The following WDPCP variants were observed in gnomAD, a reference collection of about 807,000 sequenced individuals.
WDPCP encodes WD repeat-containing and planar cell polarity effector protein fritz homolog.
In WDPCP, 71 loss-of-function variants were observed where a neutral mutation model predicts 93.1. The ratio of observed to expected loss-of-function variants is 0.76; its 90% CI spans 0.63 to 0.93. The LOEUF is 0.93. Ranked by LOEUF, WDPCP falls within the 40% of genes least tolerant of loss-of-function variation. The pLI is 0.00. For synonymous variants in WDPCP, 315 were observed against 315.0 expected (o/e 1.00, Z 0.00); for missense variants, 844 against 887.4 (o/e 0.95, Z 0.62).
intron 2 of WDPCP, among the ~76,000 whole-genome samples, chr2:63,766,726 A>C (rs1020329579): frequency 6.6e-6 from 1 of 152,018 alleles, no homozygotes; most frequent in Non-Finnish European, 1.5e-5. Flanking sequence ...CTCTCAAAAG[A>C]CTCTTCTTAT....
intron 1 of WDPCP, among the ~76,000 whole-genome samples, chr2:63,519,467 A>T (rs960345495): frequency 3.3e-5 from 5 of 152,206 alleles, no homozygotes; most frequent in African/African-American, 2.4e-5. Context: ...GATCCCACTG[A>T]CACTGCCCAA....
At chr2:63,825,388 C>T (rs1039281933) in intron 1 of WDPCP, among the ~76,000 whole-genome samples, 24 of 151,976 alleles carry the variant, frequency 1.6e-4, no homozygotes, top group African/African-American at 5.3e-4. Context: ...TTTGTTGTTG[C>T]TATTGTTCAA....
At chr2:63,228,152 T>A (rs1211895761) in intron 14 of WDPCP, among the ~76,000 whole-genome samples, 2 of 152,078 alleles carry the variant, frequency 1.3e-5, no homozygotes, top group Non-Finnish European at 2.9e-5. Context: ...TCCAAGTTGC[T>A]GGAGGTCATG....
intron 14 of WDPCP, among the ~76,000 whole-genome samples, chr2:63,189,049 GCTT>G (rs1431106510): frequency 2.0e-5 from 3 of 152,128 alleles, no homozygotes; most frequent in Non-Finnish European, 2.9e-5. Context: ...GTATCTGGGT[GCTT>G]CTGACTGTCT....
chr2:63,446,613 A>G (rs1697884271), intron 6 of WDPCP, among the ~76,000 whole-genome samples: 1 of 152,198 alleles, frequency 6.6e-6, no homozygotes, highest in African/African-American at 2.4e-5. Flanking sequence ...CTCATGTATG[A>G]CAGCCTGGTC....
intron 3 of WDPCP, among the ~76,000 whole-genome samples, chr2:63,602,934 C>CTTTTTTTTTTTTTTTTTTTT (rs370479356): frequency 3.0e-5 from 4 of 131,620 alleles, no homozygotes; most frequent in African/African-American, 8.1e-5. Context: ...TTTAACCGTT[C>CTTTTTTTTTTTTTTTTTTTT]TTTTTTTTTT....
intron 6 of WDPCP, among the ~76,000 whole-genome samples, chr2:63,460,249 A>G (rs1282879091): frequency 6.6e-6 from 1 of 152,174 alleles, no homozygotes; most frequent in Non-Finnish European, 1.5e-5. Flanking sequence ...GACAGGTACT[A>G]CATGTTCTTA....
At chr2:63,274,771 T>G (rs1047441932) in intron 13 of WDPCP, among the ~76,000 whole-genome samples, 3 of 152,068 alleles carry the variant, frequency 2.0e-5, no homozygotes, top group African/African-American at 7.2e-5. Context: ...ATAGAAAACC[T>G]GAAGAGAGCG....
chr2:63,701,427 T>C (rs1669047694), intron 2 of WDPCP, among the ~76,000 whole-genome samples: 1 of 152,202 alleles, frequency 6.6e-6, no homozygotes, highest in African/African-American at 2.4e-5. Context: ...ACAACCACTA[T>C]GGAAAACTGT....
At chr2:63,801,167 C>T (rs1365392800) in intron 2 of WDPCP, among the ~76,000 whole-genome samples, 1 of 152,214 alleles carries the variant, frequency 6.6e-6, no homozygotes, top group Non-Finnish European at 1.5e-5. Context: ...CAGGATCTCT[C>T]ATAACTTTGC....
At chr2:63,190,724 G>C (rs1674979977) in intron 14 of WDPCP, among the ~76,000 whole-genome samples, 1 of 151,450 alleles carries the variant, frequency 6.6e-6, no homozygotes, top group Non-Finnish European at 1.5e-5. Context: ...TCCAGGAAAG[G>C]TTCTAGATGT....
intron 3 of WDPCP, chr2:63,597,361 G>A: frequency 7.5e-7 from 1 of 1,328,288 alleles, no homozygotes; most frequent in Non-Finnish European, 9.7e-7. Context: ...AAACTTTGAT[G>A]TTTAAGTAGC....
chr2:63,416,292 C>G (rs1053146927), intron 9 of WDPCP, among the ~76,000 whole-genome samples: 1 of 151,820 alleles, frequency 6.6e-6, no homozygotes, highest in Non-Finnish European at 1.5e-5. Flanking sequence ...CTCCGCCTCC[C>G]GGGTTCAAGT....
chr2:63,682,638 CA>C (rs1352829613), intron 2 of WDPCP, among the ~76,000 whole-genome samples: 1 of 151,880 alleles, frequency 6.6e-6, no homozygotes, highest in African/African-American at 2.4e-5. Flanking sequence ...TGGATAATAA[CA>C]GAGAACTTTC....
chr2:63,717,627 C>A, intron 2 of WDPCP: 1 of 526,092 alleles, frequency 1.9e-6, no homozygotes, highest in South Asian at 1.4e-5. Context: ...CTAGTGACCC[C>A]ATGTTAAGCT....
intron 1 of WDPCP, chr2:63,571,703 TTTAA>T (rs1378953651): frequency 8.8e-6 from 4 of 456,974 alleles, no homozygotes; most frequent in African/African-American, 8.1e-5. Flanking sequence ...CCAGAAAAGT[TTTAA>T]ATATTCAAAC....
chr2:63,691,367 G>T (rs1668885534), intron 2 of WDPCP, among the ~76,000 whole-genome samples: 1 of 152,214 alleles, frequency 6.6e-6, no homozygotes, highest in African/African-American at 2.4e-5. Context: ...GGGCGCAGTG[G>T]CTCATGCCTA....
rs767534837 is a variant in WDPCP at position 63,404,257 on chromosome 2, G to T, written c.1226C>A (p.Ser409Tyr). The change falls in exon 10 of 18, where the codon TCC becomes TAC. Residue 409 changes from serine to tyrosine, a missense_variant. By Grantham distance (144) the Ser-to-Tyr change is moderately radical. Coordinates refer to ENST00000272321, the MANE Select transcript of WDPCP (RefSeq NM_015910.7). ...GELQIFDMALSPINIQLLAED... is the reference protein window; with the variant it reads ...GELQIFDMALYPINIQLLAED... ...AGCCAACAGTTGGATGTTAATAGGGGATAGAGCCATATCAAAAATTTGCAA... is the reference window on the plus strand; with the variant it reads ...AGCCAACAGTTGGATGTTAATAGGGTATAGAGCCATATCAAAAATTTGCAA... 1.2e-6 allele frequency: 2 copies of T among 1,613,858 alleles called. No individual in the cohort carries two copies. Among genetic ancestry groups the T allele is most frequent in the African/African-American group, 1.3e-5 (1 of 74,930 alleles).
chr2:63,329,405 T>A (rs1304210855), intron 12 of WDPCP, among the ~76,000 whole-genome samples: 1 of 152,220 alleles, frequency 6.6e-6, no homozygotes, highest in African/African-American at 2.4e-5. Context: ...ACCGCACTTT[T>A]TTTTTGCAAG....
Sources: gnomAD v4.1 joint callset for allele counts (sites outside exome capture counted in the v4.1 genomes callset) on GRCh38, gnomAD v4.1.1 for gene constraint, MANE v1.5 for transcripts, NCBI Gene and HGNC (gene_info 2026-07-23, HGNC 2026-07-21) for gene names.